ATP2A2: variants seen among roughly 807,000 people sequenced by gnomAD.
ATP2A2 encodes sarcoplasmic/endoplasmic reticulum calcium ATPase 2.
ATP2A2 carries 14 observed loss-of-function variants against 109.3 expected under a neutral mutation model. That is an observed-to-expected ratio of 0.13 (90% CI 0.08 to 0.20). ATP2A2 has a LOEUF of 0.20. Ranked by LOEUF, ATP2A2 falls within the 10% of genes least tolerant of loss-of-function variation. The pLI is 1.00. For synonymous variants in ATP2A2, 506 were observed against 490.9 expected (o/e 1.03, Z -0.41); for missense variants, 657 against 1,321.6 (o/e 0.50, Z 7.80).
chr12:110,314,996 A>C (rs1210620377), intron 5 of ATP2A2, among the ~76,000 whole-genome samples: 1 of 151,732 alleles, frequency 6.6e-6, no homozygotes, highest in Non-Finnish European at 1.5e-5. Context: ...CCTCCCAAGT[A>C]GCTGGGACCA....
intron 3 of ATP2A2, among the ~76,000 whole-genome samples, chr12:110,283,178 A>G (rs140241154): frequency 6.6e-6 from 1 of 152,346 alleles, no homozygotes; most frequent in Non-Finnish European, 1.5e-5. Flanking sequence ...TAGTCTGTAA[A>G]TAGAACTTAC....
chr12:110,341,857 G>A (rs959669441), intron 14 of ATP2A2, among the ~76,000 whole-genome samples: 9 of 152,180 alleles, frequency 5.9e-5, no homozygotes, highest in Admixed American at 1.3e-4. Context: ...GACAGAGCGG[G>A]ACTCCATCTC....
At position 110,318,345 on chromosome 12, in the gene ATP2A2, C is replaced by T. The variant is rs111842037; in HGVS notation, c.464-4647C>T. Among the ~76,000 whole-genome samples, 212 of 152,310 alleles carry T rather than the reference C, an allele frequency of 1.4e-3. 2 individuals are homozygous for T. The highest frequency in any genetic ancestry group is 4.5e-3 in the African/African-American group (186 of 41,564). On this transcript the variant is annotated intron_variant, in intron 5 of 19. Coordinates refer to ENST00000539276, the MANE Select transcript of ATP2A2 (RefSeq NM_170665.4). ...ACACAGCAAGTTAAACAAAGGTTTT[C>T]ATTAATTGAGCTTCCTTAGAGAAGG...
Position 110,339,252 on chromosome 12 carries a change from A to C in ATP2A2, c.1420-29A>C, listed in dbSNP as rs374947895. On this transcript the variant is annotated intron_variant, in intron 11 of 19. Coordinates refer to ENST00000539276, the MANE Select transcript of ATP2A2 (RefSeq NM_170665.4). The surrounding 1 kb of genome is among the most constrained non-coding windows in gnomAD (Gnocchi z 4.4). The stretch of plus-strand genomic sequence containing the variant: ...TAAAAAAGTTCAGAAATTGCCACCC[A>C]GTAGTATCCATATTTGTTCCCTTTG... The C allele has an allele frequency of 1.2e-6, 2 of 1,613,500 alleles. No homozygotes were observed. The highest frequency in any genetic ancestry group is 1.7e-6 in the Non-Finnish European group (2 of 1,179,932).
intron 3 of ATP2A2, among the ~76,000 whole-genome samples, chr12:110,291,546 C>T (rs1187367360): frequency 6.6e-6 from 1 of 151,730 alleles, no homozygotes; most frequent in Non-Finnish European, 1.5e-5. Flanking sequence ...ATGAACAAGA[C>T]ATAGCCAGTT....
upstream of ATP2A2, chr12:110,281,033 G>A (rs1348607402): frequency 6.6e-6 from 1 of 151,662 alleles, no homozygotes; most frequent in Non-Finnish European, 1.5e-5. Context: ...CCCCGCGACC[G>A]CGGCGCGCGC....
chr12:110,327,142 A>T lies in ATP2A2; in HGVS notation c.631-411A>T, dbSNP rs1877887147. Among the ~76,000 whole-genome samples, 1 of 152,200 alleles carries T rather than the reference A, an allele frequency of 6.6e-6. No homozygotes were observed. The highest frequency in any genetic ancestry group is 1.5e-5 in the Non-Finnish European group (1 of 68,036). ...TTCTTTGGTTTTTGGACCCTGTCACATGAGTAGGGGTTGTCAAGATAGCCC... is the reference window on the plus strand; with the variant it reads ...TTCTTTGGTTTTTGGACCCTGTCACTTGAGTAGGGGTTGTCAAGATAGCCC... On this transcript the variant is annotated intron_variant, in intron 7 of 19. Coordinates refer to ENST00000539276, the MANE Select transcript of ATP2A2 (RefSeq NM_170665.4). The surrounding 1 kb of genome is among the most constrained non-coding windows in gnomAD (Gnocchi z 4.4).
Position 110,349,983 on chromosome 12 carries a change from T to G in ATP2A2, c.*3513T>G. ...CACCACTAACCAAGACCTTGTCCTC[T>G]TGCCTGTCTCGCTGCTTTCACAGCT... On this transcript the variant is annotated 3_prime_UTR_variant, in exon 20 of 20. Transcript: ENST00000539276. The G allele has an allele frequency of 4.6e-6, 6 of 1,305,762 alleles. No individual in the cohort carries two copies. The highest frequency in any genetic ancestry group is 5.9e-6 in the Non-Finnish European group (6 of 1,020,700). The allele number at this position is 1,305,762 out of a possible 1,614,324, so 80.9% of individuals were successfully genotyped here. A position where few individuals can be genotyped will look rare whatever the true frequency, so the allele number is the denominator to read the frequency against.
At chr12:110,286,254 G>C (rs896268523) in intron 3 of ATP2A2, among the ~76,000 whole-genome samples, 16 of 152,066 alleles carry the variant, frequency 1.1e-4, no homozygotes, top group African/African-American at 3.6e-4. Context: ...ACAAAAACTT[G>C]GGTGAGTTTG....
chr12:110,292,355 C>T (rs187446601), intron 4 of ATP2A2, among the ~76,000 whole-genome samples: 410 of 152,008 alleles, frequency 2.7e-3, no homozygotes, highest in Middle Eastern at 0.017. Flanking sequence ...CAACCTCTTC[C>T]TCCCAGGTTC....
intron 11 of ATP2A2, chr12:110,334,390 C>A: frequency 1.9e-6 from 1 of 527,896 alleles, no homozygotes; most frequent in Non-Finnish European, 3.4e-6. Flanking sequence ...TGCCTTCTCC[C>A]ATAGTGCTGT....
At chr12:110,282,888 CAT>C (rs1178045212) in intron 3 of ATP2A2, 93 bp downstream of exon 3, 30 of 1,128,256 alleles carry the variant, frequency 2.7e-5, no homozygotes, top group Non-Finnish European at 3.3e-5. Flanking sequence ...TGGGTGAAAA[CAT>C]ATTTGGAGTT....
At chr12:110,320,967 G>A (rs1425090090) in intron 5 of ATP2A2, among the ~76,000 whole-genome samples, 6 of 152,226 alleles carry the variant, frequency 3.9e-5, no homozygotes, top group Admixed American at 3.9e-4. Flanking sequence ...AGTGGCTCAC[G>A]CCTGTAATCT....
Position 110,330,477 on chromosome 12 carries a change from C to G in ATP2A2, c.1096-2120C>G, listed in dbSNP as rs3026471. ...GTCAGTTTTGTCATACTGGTTGTTT[C>G]AGGAAGAGAAAGGGAATTTTCTTAT... On this transcript the variant is annotated intron_variant, in intron 8 of 19. Coordinates refer to ENST00000539276, the MANE Select transcript of ATP2A2 (RefSeq NM_170665.4). 19 of 152,316 alleles carry G rather than the reference C, an allele frequency of 1.2e-4. No individual in the cohort carries two copies. In the East Asian group the frequency reaches 2.3e-3, roughly 19 times the overall value. 9.4% of individuals were successfully genotyped at this position (152,316 alleles called of 1,614,324 possible).
Position 110,339,185 on chromosome 12 carries a change from C to G in ATP2A2, c.1420-96C>G. The G allele has an allele frequency of 6.6e-7, 1 of 1,517,552 alleles. No individual in the cohort carries two copies. The highest frequency in any genetic ancestry group is 9.1e-7 in the Non-Finnish European group (1 of 1,099,166). 94.0% of individuals were successfully genotyped at this position (1,517,552 alleles called of 1,614,324 possible). On this transcript the variant is annotated intron_variant, in intron 11 of 19. Coordinates refer to ENST00000539276, the MANE Select transcript of ATP2A2 (RefSeq NM_170665.4). This position sits in a 1 kb window ranked among gnomAD's most constrained non-coding sequence, Gnocchi z 4.4. ...GTCTGTTTTGTTTATTGCTATATTC[C>G]TAGCATCTGTCATGTAATAGGTGTG... is the stretch of plus-strand genomic sequence containing the variant.
At chr12:110,281,242 A>G (rs1872041894), upstream of ATP2A2, 1 of 151,002 alleles carries the variant, frequency 6.6e-6, no homozygotes, top group Admixed American at 6.6e-5. Flanking sequence ...CGGCCGATAA[A>G]TGCTATTAGA....
At chr12:110,338,978 G>A (rs143482472) in intron 11 of ATP2A2, among the ~76,000 whole-genome samples, 78 of 152,262 alleles carry the variant, frequency 5.1e-4, no homozygotes, top group African/African-American at 1.7e-3. Flanking sequence ...CATCTTTTCA[G>A]GCCCCATGGG....
rs575287206 is a variant in ATP2A2, at chr12:110,332,146, C to T, written c.1096-451C>T. 2.0e-4 allele frequency: 38 copies of T among 185,578 alleles called. No individual in the cohort carries two copies. The East Asian group carries it at 5.1e-3, about 25-fold the overall frequency. The allele number at this position is 185,578 out of a possible 1,614,324, so 11.5% of individuals were successfully genotyped here. A position where few individuals can be genotyped will look rare whatever the true frequency, so the allele number is the denominator to read the frequency against. ...ACTCTGAAATGTGAGTTTATTCTTC[C>T]CAAGCTTTTGTGCTTAGCTCTAAGG... On this transcript the variant is annotated intron_variant, in intron 8 of 19. Coordinates refer to ENST00000539276, the MANE Select transcript of ATP2A2 (RefSeq NM_170665.4).
At chr12:110,332,515 C>T in intron 8 of ATP2A2, 82 bp from the exon 9 acceptor site, 1 of 1,197,208 alleles carries the variant, frequency 8.4e-7, no homozygotes, top group South Asian at 1.2e-5. Context: ...TTGCCTTTGT[C>T]CTAAGCTAAC....
Sources: gnomAD v4.1 joint callset for allele counts (sites outside exome capture counted in the v4.1 genomes callset) on GRCh38, gnomAD v4.1.1 for gene constraint, Gnocchi (gnomAD v3.1) non-coding constraint, MANE v1.5 for transcripts, NCBI Gene and HGNC (gene_info 2026-07-23, HGNC 2026-07-21) for gene names.